Variants in HIPK1 observed in about 807,000 individuals in gnomAD.
The protein encoded by HIPK1 is homeodomain-interacting protein kinase 1.
HIPK1 carries 28 observed loss-of-function variants against 117.1 expected under a neutral mutation model. The ratio of observed to expected loss-of-function variants is 0.24; its 90% CI spans 0.18 to 0.33. HIPK1 has a LOEUF of 0.33. Ranked by LOEUF, HIPK1 falls within the 10% of genes least tolerant of loss-of-function variation. HIPK1 has a pLI of 1.00. For missense variants in HIPK1, 1,122 were observed against 1,475.1 expected (o/e 0.76, Z 3.92); for synonymous variants, 605 against 562.5 (o/e 1.08, Z -1.07).
In HIPK1 at chr1:113,934,785, A is replaced by G. The variant is rs552933149; in HGVS notation, c.-3+5253A>G. Among the ~76,000 whole-genome samples, 27 of 99,804 alleles carry G rather than the reference A, an allele frequency of 2.7e-4. 1 individual carries two copies. In the East Asian group the frequency reaches 7.8e-3, roughly 29 times the overall value. The allele number at this position is 99,804 out of a possible 152,430, so 65.5% of individuals were successfully genotyped here. On this transcript the variant is annotated intron_variant, in intron 1 of 15. Transcript: ENST00000426820. ...GTGACATAGTAAGACCTCATCTCTG[A>G]AAAAAAAAAAAAAAAAAAAAAAAAA...
At chr1:113,929,603 C>T in intron 1 of HIPK1, 71 bp downstream of exon 1, 1 of 1,166,840 alleles carries the variant, frequency 8.6e-7, no homozygotes, top group Non-Finnish European at 1.1e-6. Flanking sequence ...GGGACGGCCG[C>T]TCGGCATTCC....
At chr1:113,959,307 A>G (rs1476135600) in intron 8 of HIPK1, among the ~76,000 whole-genome samples, 1 of 151,974 alleles carries the variant, frequency 6.6e-6, no homozygotes, top group Non-Finnish European at 1.5e-5. Flanking sequence ...GGGGGGTCAG[A>G]GAGATTACCA....
chr1:113,948,553 G>A (rs1281083085), intron 2 of HIPK1, among the ~76,000 whole-genome samples: 2 of 150,612 alleles, frequency 1.3e-5, no homozygotes, highest in Non-Finnish European at 3.0e-5. Flanking sequence ...GTTTCTGGCC[G>A]TATTTTTTTT....
At chr1:113,960,254 AAAT>A (rs1558142203) in intron 8 of HIPK1, among the ~76,000 whole-genome samples, 2 of 152,184 alleles carry the variant, frequency 1.3e-5, no homozygotes, top group Admixed American at 6.6e-5. Flanking sequence ...CAATAAAACA[AAAT>A]AATAACAAAA....
intron 1 of HIPK1, among the ~76,000 whole-genome samples, chr1:113,938,544 T>G (rs541922316): frequency 6.6e-6 from 1 of 152,192 alleles, no homozygotes; most frequent in Admixed American, 6.5e-5. Flanking sequence ...TTAAGGAGAT[T>G]AGTTTGGAAG....
At chr1:113,951,506 T>C (rs989100549) in intron 2 of HIPK1, among the ~76,000 whole-genome samples, 25 of 152,346 alleles carry the variant, frequency 1.6e-4, no homozygotes, top group African/African-American at 5.3e-4. Flanking sequence ...GAGTTATGGA[T>C]TACCTTAGTC....
At chr1:113,948,589 G>A (rs953745362) in intron 2 of HIPK1, among the ~76,000 whole-genome samples, 1 of 147,678 alleles carries the variant, frequency 6.8e-6, no homozygotes, top group Admixed American at 6.7e-5. Context: ...TCCTTTTTTT[G>A]TTTTTCCTTT....
In HIPK1 at chr1:113,967,813, C is replaced by T. The variant is rs955225785; in HGVS notation, c.2429C>T (p.Pro810Leu). 6.2e-7 allele frequency: 1 copy of T among 1,608,954 alleles called. No homozygotes were observed. The highest frequency in any genetic ancestry group is 8.5e-7 in the Non-Finnish European group (1 of 1,178,528). ...GNQYSTIMQQ[P>L]SLLTNHVTLA... is the part of the protein sequence containing the mutation. ...CAGTACAGCACTATCATGCAGCAGC[C>T]ATCCTTGCTGACTAACCATGTGACA... Residue 810 changes from proline (P) to leucine (L), a missense_variant, in exon 12 of 16, where the codon CCA (proline) becomes CTA (leucine). Pro to Leu is a moderately conservative substitution (Grantham distance 98). Coordinates refer to ENST00000426820, the MANE Select transcript of HIPK1 (RefSeq NM_198268.3).
Position 113,977,582 on chromosome 1 carries a change from T to A in HIPK1, c.*4070T>A, listed in dbSNP as rs1467042616. The A allele has an allele frequency of 6.5e-6, 1 of 152,754 alleles. No homozygotes were observed. Among genetic ancestry groups the A allele is most frequent in the Non-Finnish European group, 1.5e-5 (1 of 68,040 alleles). The allele number at this position is 152,754 out of a possible 1,614,324, so 9.5% of individuals were successfully genotyped here. A position where few individuals can be genotyped will look rare whatever the true frequency, so the allele number is the denominator to read the frequency against. On this transcript the variant is annotated 3_prime_UTR_variant, in exon 16 of 16. Coordinates refer to ENST00000426820, the MANE Select transcript of HIPK1 (RefSeq NM_198268.3). Reference sequence around the variant, plus strand: ...GCTATGTTTGTAATGCAGATGTACTTAGGGAGTATGTAAAATAATCATTTT... The same window carrying A: ...GCTATGTTTGTAATGCAGATGTACTAAGGGAGTATGTAAAATAATCATTTT...
At chr1:113,948,766 C>T (rs977807763) in intron 2 of HIPK1, among the ~76,000 whole-genome samples, 2 of 151,586 alleles carry the variant, frequency 1.3e-5, no homozygotes, top group Non-Finnish European at 2.9e-5. Context: ...GACTTGGGGG[C>T]TGTGGAAGTG....
rs762102299 is a variant in HIPK1, at chr1:113,940,553, A to C, written c.170A>C (p.Asn57Thr). Residue 57 changes from asparagine to threonine, a missense_variant, in exon 2 of 16, where the codon AAC (asparagine) becomes ACC (threonine). This residue lies in a region of HIPK1 where 192 missense variants were observed against 234.0 expected (regional missense o/e 0.82). Transcript: ENST00000426820. ...KTLPATQGQA[N>T]SSHQVANFNI... ...CTCCCAGCCACACAAGGGCAAGCCA[A>C]CTCCTCTCACCAGGTAGCAAATTTC... 6.2e-7 allele frequency: 1 copy of C among 1,613,746 alleles called. No individual in the cohort carries two copies. The highest frequency in any genetic ancestry group is 1.1e-5 in the South Asian group (1 of 91,046).
chr1:113,955,599 T>C lies in HIPK1; in HGVS notation c.1357T>C (p.Ser453Pro), dbSNP rs1558138215. 6.2e-7 allele frequency: 1 copy of C among 1,607,848 alleles called. No individual in the cohort carries two copies. The highest frequency in any genetic ancestry group is 8.5e-7 in the Non-Finnish European group (1 of 1,174,658). The change falls in exon 5 of 16, where the codon TCA becomes CCA. Residue 453 changes from serine (S) to proline (P), a missense_variant. Around this residue, in one of 6 missense-constraint regions of HIPK1, gnomAD observed 127 missense variants for 197.9 expected, o/e 0.64. Transcript: ENST00000426820. ...EEHELETGIK[S>P]KEARKYIFNC... is the part of the protein sequence containing the mutation. ...ACATGAACTGGAGACTGGAATAAAA[T>C]CAAAAGAAGCTCGGAAGTACATTTT...
intron 1 of HIPK1, chr1:113,929,950 A>T (rs1206199875): frequency 2.0e-6 from 2 of 984,378 alleles, no homozygotes; most frequent in African/African-American, 3.5e-5. Context: ...GTGAGTGGGG[A>T]CGGGCAGGAG....
intron 13 of HIPK1, 81 bp from the exon 14 acceptor site, chr1:113,969,875 C>A: frequency 1.3e-6 from 2 of 1,524,354 alleles, no homozygotes; most frequent in Non-Finnish European, 1.8e-6. Context: ...CCACTGCACT[C>A]CAGCCTGGGT....
chr1:113,962,209 A>T, intron 8 of HIPK1, 108 bp from the exon 9 acceptor site: 2 of 1,162,124 alleles, frequency 1.7e-6, no homozygotes, highest in Non-Finnish European at 2.4e-6. Flanking sequence ...TCTAGGATTA[A>T]AACCTGAACA....
chr1:113,929,953 G>T (rs1669736629), intron 1 of HIPK1: 1 of 985,234 alleles, frequency 1.0e-6, no homozygotes. Context: ...AGTGGGGACG[G>T]GCAGGAGGGG....
intron 1 of HIPK1, among the ~76,000 whole-genome samples, chr1:113,931,022 T>C (rs1014223940): frequency 1.3e-5 from 2 of 152,212 alleles, no homozygotes; most frequent in Non-Finnish European, 2.9e-5. Context: ...ATCTGTCCTT[T>C]ATCTTGTTTC....
chr1:113,946,006 G>A (rs74404380), intron 2 of HIPK1, among the ~76,000 whole-genome samples: 3,964 of 152,082 alleles, frequency 0.026, 91 homozygotes, highest in Middle Eastern at 0.088. Context: ...TTATAAAACT[G>A]GTATTTTTTA....
At chr1:113,947,290 T>TTGC (rs1438959558) in intron 2 of HIPK1, among the ~76,000 whole-genome samples, 1 of 152,224 alleles carries the variant, frequency 6.6e-6, no homozygotes, top group East Asian at 1.9e-4. Context: ...AGACAAAGGT[T>TTGC]TGCCATGCTT....
Sources: gnomAD v4.1 joint callset for allele counts (sites outside exome capture counted in the v4.1 genomes callset) on GRCh38, gnomAD v4.1.1 for gene constraint, gnomAD v4.1.1 regional missense constraint, MANE v1.5 for transcripts, NCBI Gene and HGNC (gene_info 2026-07-23, HGNC 2026-07-21) for gene names.